SEC14L2: variants seen among roughly 807,000 people sequenced by gnomAD.
The protein encoded by SEC14L2 is SEC14 like lipid binding 2.
In SEC14L2, 50 loss-of-function variants were observed where a neutral mutation model predicts 56.9. The ratio of observed to expected loss-of-function variants is 0.88; its 90% CI spans 0.70 to 1.11. SEC14L2 has a LOEUF of 1.11. Among genes scored for constraint, SEC14L2 ranks in the 50% most tolerant of loss-of-function variants. The pLI is 0.00. For missense variants in SEC14L2, 414 were observed against 500.7 expected (o/e 0.83, Z 1.65); for synonymous variants, 179 against 188.5 (o/e 0.95, Z 0.41).
Position 30,399,730 on chromosome 22 carries a change from G to C in SEC14L2, c.130+12G>C. The C allele has an allele frequency of 6.2e-7, 1 of 1,611,266 alleles. No individual in the cohort carries two copies. Among genetic ancestry groups the C allele is most frequent in the Non-Finnish European group, 8.5e-7 (1 of 1,178,614 alleles). ...GCGTTGGCTCCGAGGTGAGGGAAGAGGGGCTGCGGGAGGCTGGGGCAGGGG... is the reference window on the plus strand; with the variant it reads ...GCGTTGGCTCCGAGGTGAGGGAAGACGGGCTGCGGGAGGCTGGGGCAGGGG... On this transcript the variant is annotated intron_variant, in intron 2 of 11. Transcript: ENST00000615189.
intron 11 of SEC14L2, chr22:30,416,629 G>A: frequency 2.1e-6 from 3 of 1,452,114 alleles, no homozygotes; most frequent in South Asian, 2.9e-5. Flanking sequence ...ATACTCCTAG[G>A]TATGGGTGAG....
At chr22:30,398,084 G>A (rs1601766818) in intron 1 of SEC14L2, among the ~76,000 whole-genome samples, 1 of 152,318 alleles carries the variant, frequency 6.6e-6, no homozygotes, top group African/African-American at 2.4e-5. Flanking sequence ...GGGGCGGGGG[G>A]CAGATGTATC....
At chr22:30,410,792 G>A (rs1016753343) in intron 8 of SEC14L2, 113 bp downstream of exon 8, 2 of 956,708 alleles carry the variant, frequency 2.1e-6, no homozygotes, top group African/African-American at 1.6e-5. Context: ...TGCTAGTTTG[G>A]GAGCAGTGGG....
chr22:30,425,099 A>G lies in SEC14L2; in HGVS notation c.*2692A>G, dbSNP rs774346663. On this transcript the variant is annotated 3_prime_UTR_variant, in exon 12 of 12. Transcript: ENST00000615189. Reference sequence around the variant, plus strand: ...CATTAAGAGCACGGGATCTGGATCCACACTGTTTGGATTCAAATCACAACT... The same window carrying G: ...CATTAAGAGCACGGGATCTGGATCCGCACTGTTTGGATTCAAATCACAACT... The G allele has an allele frequency of 3.2e-5, 8 of 250,612 alleles. No individual in the cohort carries two copies. Among genetic ancestry groups the G allele is most frequent in the Non-Finnish European group, 5.7e-5 (7 of 123,388 alleles). 15.5% of individuals were successfully genotyped at this position (250,612 alleles called of 1,614,324 possible). A position where few individuals can be genotyped will look rare whatever the true frequency, so the allele number is the denominator to read the frequency against.
chr22:30,398,758 C>T (rs1243471400), intron 1 of SEC14L2: 2 of 471,332 alleles, frequency 4.2e-6, no homozygotes, highest in Non-Finnish European at 8.8e-6. Flanking sequence ...ACTCCTCATC[C>T]TTCCATGGGG....
intron 2 of SEC14L2, among the ~76,000 whole-genome samples, chr22:30,405,728 G>C (rs911971516): frequency 1.6e-4 from 24 of 152,144 alleles, no homozygotes; most frequent in Non-Finnish European, 2.9e-5. Context: ...CCAGGCTGGA[G>C]TATAGTAGCG....
At chr22:30,417,544 G>A (rs941194793) in intron 11 of SEC14L2, among the ~76,000 whole-genome samples, 9 of 111,522 alleles carry the variant, frequency 8.1e-5, no homozygotes, top group Admixed American at 3.1e-4. Context: ...CCTAAGCTTC[G>A]GTTTCCGGAC....
chr22:30,405,737 C>T (rs1934075067), intron 2 of SEC14L2, among the ~76,000 whole-genome samples: 1 of 152,054 alleles, frequency 6.6e-6, no homozygotes, highest in African/African-American at 2.4e-5. Context: ...AGTATAGTAG[C>T]GAGATCTCAG....
Position 30,407,609 on chromosome 22 carries a change from T to C in SEC14L2, c.423+6T>C, listed in dbSNP as rs912057313. Reference sequence around the variant, plus strand: ...GTGCCCACCAGACCACAAAGGTGAGTGGACCACCATGGCTAGAAATGAGTT... The same window carrying C: ...GTGCCCACCAGACCACAAAGGTGAGCGGACCACCATGGCTAGAAATGAGTT... On this transcript the variant is annotated splice_donor_region_variant and intron_variant, in intron 5 of 11. Transcript: ENST00000615189. The C allele has an allele frequency of 6.2e-7, 1 of 1,610,400 alleles. No homozygotes were observed. Among genetic ancestry groups the C allele is most frequent in the Non-Finnish European group, 8.5e-7 (1 of 1,177,794 alleles).
At chr22:30,406,841 C>T (rs1041426859) in intron 3 of SEC14L2, among the ~76,000 whole-genome samples, 8 of 152,196 alleles carry the variant, frequency 5.3e-5, no homozygotes, top group Non-Finnish European at 8.8e-5. Flanking sequence ...CAACCTCCGC[C>T]TCCCGGGTTC....
Position 30,397,089 on chromosome 22 carries a change from C to T in SEC14L2, c.-28C>T, listed in dbSNP as rs1478380164. On this transcript the variant is annotated 5_prime_UTR_variant, in exon 1 of 12. Transcript: ENST00000615189. ...TGCCGCACCCGCCGCCTCCCGCCCC[C>T]AAACCCCATCCCCGCGGTTGAGCCA... is the stretch of plus-strand genomic sequence containing the variant. The T allele has an allele frequency of 1.9e-6, 3 of 1,547,392 alleles. No individual in the cohort carries two copies. Among genetic ancestry groups the T allele is most frequent in the Admixed American group, 2.0e-5 (1 of 50,870 alleles).
chr22:30,410,965 A>C (rs1934231259), intron 8 of SEC14L2, among the ~76,000 whole-genome samples: 1 of 152,250 alleles, frequency 6.6e-6, no homozygotes, highest in Non-Finnish European at 1.5e-5. Context: ...AACAGGAGAC[A>C]GAAGACCTAG....
At chr22:30,410,484 G>A in intron 7 of SEC14L2, 112 bp from the exon 8 acceptor site, 2 of 1,007,232 alleles carry the variant, frequency 2.0e-6, no homozygotes, top group Non-Finnish European at 3.1e-6. Context: ...GAGCCCTGGG[G>A]AACATGTGGC....
intron 4 of SEC14L2, 76 bp from the exon 5 acceptor site, chr22:30,407,339 C>A: frequency 2.0e-6 from 3 of 1,536,932 alleles, no homozygotes; most frequent in Non-Finnish European, 2.7e-6. Flanking sequence ...TACTGATGAA[C>A]CTGGAGTAAG....
intron 8 of SEC14L2, among the ~76,000 whole-genome samples, chr22:30,411,742 C>CAAGAAAAAAAA (rs1934254335): frequency 4.4e-5 from 3 of 67,810 alleles, no homozygotes; most frequent in Non-Finnish European, 2.5e-5. Flanking sequence ...GACTCCGTCT[C>CAAGAAAAAAAA]AAAAAAAAAA....
At chr22:30,398,858 T>C (rs1434860822) in intron 1 of SEC14L2, 1 of 461,740 alleles carries the variant, frequency 2.2e-6, no homozygotes, top group African/African-American at 2.0e-5. Context: ...CTGTTTGACC[T>C]TGGGCATGTT....
intron 8 of SEC14L2, among the ~76,000 whole-genome samples, chr22:30,414,159 TTC>T (rs2146034027): frequency 6.6e-6 from 1 of 152,340 alleles, no homozygotes; most frequent in Non-Finnish European, 1.5e-5. Context: ...GCCTCAGTTA[TTC>T]TCTCTGTAAG....
At chr22:30,418,807 C>G (rs1011061460) in intron 11 of SEC14L2, among the ~76,000 whole-genome samples, 2 of 152,170 alleles carry the variant, frequency 1.3e-5, no homozygotes, top group Admixed American at 1.3e-4. Context: ...GAGGGCAATG[C>G]CCTTGGAGAA....
intron 7 of SEC14L2, among the ~76,000 whole-genome samples, chr22:30,410,058 C>T (rs1934207459): frequency 6.6e-6 from 1 of 152,152 alleles, no homozygotes. Context: ...ATTAGCTGGG[C>T]GTGGTGGCCC....
Sources: gnomAD v4.1 joint callset for allele counts (sites outside exome capture counted in the v4.1 genomes callset) on GRCh38, gnomAD v4.1.1 for gene constraint, MANE v1.5 for transcripts, NCBI Gene and HGNC (gene_info 2026-07-23, HGNC 2026-07-21) for gene names.